Variants in AKAP7 observed in about 807,000 individuals in gnomAD.
AKAP7 encodes A-kinase anchoring protein 7.
A neutral mutation model predicts 39.5 loss-of-function variants in AKAP7; 39 were observed. The observed-to-expected ratio is 0.99, with a 90% CI of 0.76 to 1.29. The LOEUF (loss-of-function observed/expected upper bound fraction) is 1.29, where lower values mean the gene tolerates loss of function less well. AKAP7 is among the 50% of genes most tolerant of loss of function. The pLI, the probability that AKAP7 is intolerant of heterozygous loss-of-function variation, is 0.00. For missense variants in AKAP7, 414 were observed against 407.7 expected, an observed-to-expected ratio of 1.02 and a Z score of -0.13; for synonymous variants, 140 against 139.1, an observed-to-expected ratio of 1.01 and a Z score of -0.05.
rs1325476685 is a variant in AKAP7 at position 131,219,710 on chromosome 6, G to C, written c.752G>C (p.Arg251Thr). 1 of 1,599,162 alleles carries C rather than the reference G, an allele frequency of 6.3e-7. No individual in the cohort carries two copies. The highest frequency in any genetic ancestry group is 2.3e-5 in the East Asian group (1 of 43,944). The change falls in exon 7 of 8, where the codon AGA (arginine) becomes ACA (threonine). Residue 251 changes from arginine to threonine, a missense_variant. Coordinates refer to ENST00000431975, the MANE Select transcript of AKAP7 (RefSeq NM_016377.4). Reference protein sequence around the residue: ...PDLYEKFISHRFGEEILYRID... With the variant: ...PDLYEKFISHTFGEEILYRID... The stretch of plus-strand genomic sequence containing the variant: ...TTATATGAAAAGTTTATCAGTCACA[G>C]ATTTGGAGAAGAAATATTATATCGC...
intron 7 of AKAP7, among the ~76,000 whole-genome samples, chr6:131,267,854 CTTAT>C (rs1813944510): frequency 6.6e-6 from 1 of 152,150 alleles, no homozygotes; most frequent in Non-Finnish European, 1.5e-5. Context: ...TTCATGATCT[CTTAT>C]TTATTTAATG....
chr6:131,232,962 C>T lies in AKAP7; in HGVS notation c.850+13154C>T, dbSNP rs1810750437. Among the ~76,000 whole-genome samples the T allele has an allele frequency of 1.8e-5, 2 of 110,444 alleles. 1 individual carries two copies. The highest frequency in any genetic ancestry group is 5.3e-4 in the South Asian group (2 of 3,788). The allele number at this position is 110,444 out of a possible 152,430, so 72.5% of individuals were successfully genotyped here. Reference sequence around the variant, plus strand: ...TTAAAGATTTGCATTATTCCTAATGCTTTCCTTATTGGCGTGTGATCAACA... The same window carrying T: ...TTAAAGATTTGCATTATTCCTAATGTTTTCCTTATTGGCGTGTGATCAACA... On this transcript the variant is annotated intron_variant, in intron 7 of 7. Coordinates refer to ENST00000431975, the MANE Select transcript of AKAP7 (RefSeq NM_016377.4).
chr6:131,282,022 A>T lies in AKAP7; in HGVS notation c.*296A>T. 1 of 1,151,324 alleles carries T rather than the reference A, an allele frequency of 8.7e-7. No individual in the cohort carries two copies. The highest frequency in any genetic ancestry group is 1.6e-5 in the African/African-American group (1 of 62,842). 71.3% of individuals were successfully genotyped at this position (1,151,324 alleles called of 1,614,324 possible). A position where few individuals can be genotyped will look rare whatever the true frequency, so the allele number is the denominator to read the frequency against. Reference sequence around the variant, plus strand: ...TTTGGGTTATGCCTCCTGGACGCAAATTAAAGGCCGAGAAAGAGGCCTTGC... The same window carrying T: ...TTTGGGTTATGCCTCCTGGACGCAATTTAAAGGCCGAGAAAGAGGCCTTGC... On this transcript the variant is annotated 3_prime_UTR_variant, in exon 8 of 8. Coordinates refer to ENST00000431975, the MANE Select transcript of AKAP7 (RefSeq NM_016377.4).
At chr6:131,199,358 T>C (rs1453710761) in intron 5 of AKAP7, 103 bp from the exon 6 acceptor site, 4 of 764,860 alleles carry the variant, frequency 5.2e-6, no homozygotes, top group Non-Finnish European at 8.5e-6. Context: ...TAATCTTCAC[T>C]GTAAAATAAT....
At chr6:131,199,620 G>A in intron 6 of AKAP7, 47 bp downstream of exon 6, 2 of 1,395,820 alleles carry the variant, frequency 1.4e-6, no homozygotes, top group South Asian at 1.2e-5. Context: ...GGCCACACCA[G>A]CCATAAGCAT....
rs1346111671 is a variant in AKAP7 at position 131,282,400 on chromosome 6, C to T, written c.*674C>T. The T allele has an allele frequency of 6.8e-7, 1 of 1,469,338 alleles. No homozygotes were observed. Among genetic ancestry groups the T allele is most frequent in the East Asian group, 2.5e-5 (1 of 39,988 alleles). 91.0% of individuals were successfully genotyped at this position (1,469,338 alleles called of 1,614,324 possible). The stretch of plus-strand genomic sequence containing the variant: ...TATTATATAATTTTTTTTTCTTAGG[C>T]AAGAAACCTATTGGAATTCGAGACT... On this transcript the variant is annotated 3_prime_UTR_variant, in exon 8 of 8. Coordinates refer to ENST00000431975, the MANE Select transcript of AKAP7 (RefSeq NM_016377.4).
intron 6 of AKAP7, among the ~76,000 whole-genome samples, chr6:131,218,082 T>C (rs1183673221): frequency 1.3e-5 from 2 of 152,202 alleles, no homozygotes; most frequent in Non-Finnish European, 2.9e-5. Flanking sequence ...TTTCATTGTT[T>C]TAAGCACTTT....
chr6:131,260,079 T>C (rs1221834085), intron 7 of AKAP7, among the ~76,000 whole-genome samples: 8 of 151,974 alleles, frequency 5.3e-5, no homozygotes, highest in Non-Finnish European at 1.0e-4. Flanking sequence ...CCTGTGTTAG[T>C]TTGCTGAGGA....
At chr6:131,136,849 T>A (rs1367794778) in intron 1 of AKAP7, 2 of 985,246 alleles carry the variant, frequency 2.0e-6, no homozygotes, top group Non-Finnish European at 2.4e-6. Flanking sequence ...ACGTGTAAGA[T>A]GCTAATACTA....
chr6:131,135,684 G>GCCTCGC lies in AKAP7; in HGVS notation c.-78_-73dup. 1 of 1,122,316 alleles carries GCCTCGC rather than the reference G, an allele frequency of 8.9e-7. No homozygotes were observed. Among genetic ancestry groups the GCCTCGC allele is most frequent in the Non-Finnish European group, 1.1e-6 (1 of 918,910 alleles). 69.5% of individuals were successfully genotyped at this position (1,122,316 alleles called of 1,614,324 possible). A position where few individuals can be genotyped will look rare whatever the true frequency, so the allele number is the denominator to read the frequency against. ...GAGCCCCGCCCTGGCCTCCGCCTCG[G>GCCTCGC]CCTCGCCTCCAGCCCCGGGACGCGG... On this transcript the variant is annotated 5_prime_UTR_variant, in exon 1 of 8. Coordinates refer to ENST00000431975, the MANE Select transcript of AKAP7 (RefSeq NM_016377.4).
At chr6:131,264,999 A>T (rs1374736397) in intron 7 of AKAP7, among the ~76,000 whole-genome samples, 2 of 152,134 alleles carry the variant, frequency 1.3e-5, no homozygotes, top group East Asian at 3.9e-4. Context: ...AATACCTCCC[A>T]CCAGGCCCCA....
chr6:131,162,016 C>T (rs765390336), intron 3 of AKAP7, among the ~76,000 whole-genome samples: 1 of 152,128 alleles, frequency 6.6e-6, no homozygotes, highest in African/African-American at 2.4e-5. Flanking sequence ...TTCCCTAGGC[C>T]GCTCATTTTC....
At chr6:131,221,395 T>G (rs1052224508) in intron 7 of AKAP7, among the ~76,000 whole-genome samples, 1 of 152,172 alleles carries the variant, frequency 6.6e-6, no homozygotes, top group African/African-American at 2.4e-5. Context: ...CTCCATAACA[T>G]AAAAGTGCAC....
At chr6:131,132,140 G>T (rs1300869084), upstream of AKAP7, among the ~76,000 whole-genome samples, 1 of 151,922 alleles carries the variant, frequency 6.6e-6, no homozygotes, top group Admixed American at 6.6e-5. Context: ...GTGAAACCCC[G>T]TCTCTACTAA....
intron 1 of AKAP7, among the ~76,000 whole-genome samples, chr6:131,144,396 A>T (rs1041948738): frequency 6.6e-6 from 1 of 152,264 alleles, no homozygotes; most frequent in African/African-American, 2.4e-5. Flanking sequence ...TTACAAGAGA[A>T]TGAATTAAAG....
chr6:131,268,480 G>A (rs1309847412), intron 7 of AKAP7, among the ~76,000 whole-genome samples: 3 of 152,172 alleles, frequency 2.0e-5, no homozygotes, highest in Non-Finnish European at 2.9e-5. Flanking sequence ...GTGGAAAAAA[G>A]TGTTCCTGTG....
intron 5 of AKAP7, among the ~76,000 whole-genome samples, chr6:131,181,384 A>G (rs969306487): frequency 6.6e-6 from 1 of 152,124 alleles, no homozygotes; most frequent in Non-Finnish European, 1.5e-5. Context: ...TCTGTCTTAA[A>G]TATCACTCCC....
At chr6:131,214,962 C>G (rs1809007167) in intron 6 of AKAP7, among the ~76,000 whole-genome samples, 1 of 152,050 alleles carries the variant, frequency 6.6e-6, no homozygotes, top group South Asian at 2.1e-4. Context: ...GGTAAGTGAC[C>G]TCATTTCTCT....
chr6:131,125,732 C>A, the AKAP7 span, among the ~76,000 whole-genome samples: 70,319 of 151,948 alleles, frequency 0.46, 17,582 homozygotes, highest in Non-Finnish European at 0.56. Context: ...ACACCACCAG[C>A]AGGGAAGGCT....
Sources: gnomAD v4.1 joint callset for allele counts (sites outside exome capture counted in the v4.1 genomes callset) on GRCh38, gnomAD v4.1.1 for gene constraint, MANE v1.5 for transcripts, NCBI Gene and HGNC (gene_info 2026-07-23, HGNC 2026-07-21) for gene names.